Variants in CCDC178 observed in about 807,000 individuals in gnomAD.
CCDC178 encodes coiled-coil domain containing 178.
In CCDC178, 126 loss-of-function variants were observed where a neutral mutation model predicts 117.4. The ratio of observed to expected loss-of-function variants is 1.07; its 90% confidence interval spans 0.93 to 1.24. The LOEUF is 1.24. Ranked by LOEUF, CCDC178 falls within the 50% of genes most tolerant of loss-of-function variation. CCDC178 has a pLI of 0.00. For synonymous variants in CCDC178, 283 were observed against 313.4 expected (o/e 0.90, Z 1.02); for missense variants, 1,030 against 986.9 (o/e 1.04, Z -0.59).
chr18:33,150,680 G>C (rs1160529060), intron 20 of CCDC178, among the ~76,000 whole-genome samples: 1 of 152,176 alleles, frequency 6.6e-6, no homozygotes, highest in African/African-American at 2.4e-5. Flanking sequence ...CTTTTACACT[G>C]CTGGTGAGAA....
At position 32,983,523 on chromosome 18, in the gene CCDC178, A is replaced by G. The variant is rs546581652; in HGVS notation, c.2389-8842T>C. 4.6e-5 allele frequency among the ~76,000 whole-genome samples: 7 copies of G among 152,254 alleles called. No homozygotes were observed. In the East Asian group the frequency reaches 1.3e-3, roughly 29 times the overall value. ...CTGTATCCTGTAGATTTGCATTTGC[A>G]CCTTAGGTAATCTAATTAAAATCAT... On this transcript the variant is annotated intron_variant, in intron 21 of 22. Transcript: ENST00000383096.
At chr18:33,280,980 A>C (rs2060018207) in intron 12 of CCDC178, among the ~76,000 whole-genome samples, 1 of 152,120 alleles carries the variant, frequency 6.6e-6, no homozygotes, top group African/African-American at 2.4e-5. Context: ...GAGCGATAGC[A>C]TTAGGAGATA....
chr18:33,389,597 C>T lies in CCDC178; in HGVS notation c.151G>A (p.Gly51Arg). The T allele has an allele frequency of 6.6e-7, 1 of 1,514,624 alleles. No individual in the cohort carries two copies. Among genetic ancestry groups the T allele is most frequent in the Non-Finnish European group, 8.8e-7 (1 of 1,134,246 alleles). The allele number at this position is 1,514,624 out of a possible 1,614,324, so 93.8% of individuals were successfully genotyped here. ...CCTTCACTGTTCTCCTTAGAGGCTCCATATAGAACCAAACTTTGAGACATG... is the reference window on the plus strand; with the variant it reads ...CCTTCACTGTTCTCCTTAGAGGCTCTATATAGAACCAAACTTTGAGACATG... ...NAMSQSLVLY[G>R]ASKENSEGFH... The change falls in exon 5 of 23, where the codon GGA (glycine) becomes AGA (arginine). Residue 51 changes from glycine (G) to arginine (R), a missense_variant. Transcript: ENST00000383096.
intron 20 of CCDC178, among the ~76,000 whole-genome samples, chr18:33,162,765 A>T (rs1433627282): frequency 1.3e-5 from 2 of 152,166 alleles, no homozygotes; most frequent in African/African-American, 4.8e-5. Context: ...ACATGATGCC[A>T]TTCTTTTTTA....
At chr18:33,403,714 A>G (rs1254108790) in intron 3 of CCDC178, among the ~76,000 whole-genome samples, 1 of 152,200 alleles carries the variant, frequency 6.6e-6, no homozygotes, top group Admixed American at 6.5e-5. Flanking sequence ...CAAAAACTGG[A>G]GGGTCAGGCT....
At chr18:33,007,494 T>C (rs1159415128) in intron 21 of CCDC178, among the ~76,000 whole-genome samples, 2 of 152,092 alleles carry the variant, frequency 1.3e-5, no homozygotes, top group African/African-American at 2.4e-5. Context: ...GTATTCATTG[T>C]TGAGTTCTGC....
chr18:32,989,252 A>G (rs1319031075), intron 21 of CCDC178, among the ~76,000 whole-genome samples: 2 of 152,210 alleles, frequency 1.3e-5, no homozygotes, highest in Non-Finnish European at 2.9e-5. Flanking sequence ...AATGTATAAA[A>G]CCATAATTAA....
intron 12 of CCDC178, among the ~76,000 whole-genome samples, chr18:33,277,126 T>C (rs1309540848): frequency 6.6e-6 from 1 of 152,010 alleles, no homozygotes; most frequent in Admixed American, 6.6e-5. Flanking sequence ...AGATAAAAAA[T>C]AATGATTAAA....
intron 6 of CCDC178, among the ~76,000 whole-genome samples, chr18:33,366,047 C>T (rs1333442372): frequency 3.3e-5 from 5 of 152,150 alleles, no homozygotes; most frequent in South Asian, 4.1e-4. Context: ...TAACCACAGG[C>T]GTCCAGAGTG....
At chr18:32,981,390 C>T (rs1284322754) in intron 21 of CCDC178, among the ~76,000 whole-genome samples, 9 of 152,126 alleles carry the variant, frequency 5.9e-5, no homozygotes. Flanking sequence ...ATTTTGAATG[C>T]ATCTATACTG....
chr18:33,334,054 A>G (rs922614211), intron 9 of CCDC178, among the ~76,000 whole-genome samples: 1 of 152,156 alleles, frequency 6.6e-6, no homozygotes. Context: ...ATGAAATAAG[A>G]CTTACAAATA....
chr18:33,343,006 T>C (rs1242812347), intron 9 of CCDC178, among the ~76,000 whole-genome samples: 1 of 152,188 alleles, frequency 6.6e-6, no homozygotes, highest in African/African-American at 2.4e-5. Context: ...TCTCACCCCC[T>C]GGGGTGATTA....
At chr18:33,414,491 A>G (rs2063904997) in intron 2 of CCDC178, among the ~76,000 whole-genome samples, 1 of 152,230 alleles carries the variant, frequency 6.6e-6, no homozygotes, top group Non-Finnish European at 1.5e-5. Flanking sequence ...AAAACTGGCT[A>G]GCCACAGGTA....
intron 22 of CCDC178, among the ~76,000 whole-genome samples, chr18:32,953,815 G>A (rs1181952846): frequency 1.3e-5 from 2 of 151,968 alleles, no homozygotes; most frequent in Non-Finnish European, 2.9e-5. Context: ...TTTTGGCTTT[G>A]TTATTATATA....
intron 22 of CCDC178, among the ~76,000 whole-genome samples, chr18:32,948,603 T>C (rs1426255374): frequency 6.6e-6 from 1 of 152,116 alleles, no homozygotes; most frequent in African/African-American, 2.4e-5. Context: ...ATGACCATTT[T>C]ACTTCTTTGC....
chr18:33,314,321 C>A (rs546922714), intron 11 of CCDC178, among the ~76,000 whole-genome samples: 1 of 150,428 alleles, frequency 6.6e-6, no homozygotes, highest in Admixed American at 6.6e-5. Flanking sequence ...GGCTACTTCT[C>A]GGGATCTAAA....
chr18:33,431,908 A>T (rs2064224414), intron 2 of CCDC178, among the ~76,000 whole-genome samples: 2 of 152,312 alleles, frequency 1.3e-5, no homozygotes, highest in South Asian at 4.1e-4. Context: ...AATTCATGGG[A>T]TATCCTGGAG....
chr18:33,435,110 G>A (rs2064271265), intron 2 of CCDC178, among the ~76,000 whole-genome samples: 1 of 152,006 alleles, frequency 6.6e-6, no homozygotes, highest in African/African-American at 2.4e-5. Flanking sequence ...GTTTAAAATG[G>A]TCATAATTAT....
At chr18:33,206,578 A>G (rs2059046770) in intron 20 of CCDC178, among the ~76,000 whole-genome samples, 2 of 152,178 alleles carry the variant, frequency 1.3e-5, no homozygotes, top group Admixed American at 1.3e-4. Context: ...ATAATTAATC[A>G]TAAATCTTGT....
Sources: gnomAD v4.1 joint callset for allele counts (sites outside exome capture counted in the v4.1 genomes callset) on GRCh38, gnomAD v4.1.1 for gene constraint, MANE v1.5 for transcripts, NCBI Gene and HGNC (gene_info 2026-07-23, HGNC 2026-07-21) for gene names.